The following GPC5 variants were observed in gnomAD, a reference collection of about 807,000 sequenced individuals.
GPC5 encodes glypican 5.
A neutral mutation model predicts 53.9 loss-of-function variants in GPC5; 47 were observed. The observed-to-expected ratio is 0.87, with a 90% CI of 0.69 to 1.11. GPC5 has a LOEUF of 1.11. GPC5 is among the 50% of genes most tolerant of loss of function. GPC5 has a pLI of 0.00. For synonymous variants in GPC5, 286 were observed against 263.3 expected (o/e 1.09, Z -0.84); for missense variants, 748 against 713.1 (o/e 1.05, Z -0.56).
At chr13:91,678,362 T>C in intron 2 of GPC5, among the ~76,000 whole-genome samples, 1 of 152,210 alleles carries the variant, frequency 6.6e-6, no homozygotes, top group Non-Finnish European at 1.5e-5. Context: ...GATAGTATAC[T>C]TTAGTATGCA....
At chr13:92,272,219 G>C (rs2042844503) in intron 7 of GPC5, among the ~76,000 whole-genome samples, 1 of 152,024 alleles carries the variant, frequency 6.6e-6, no homozygotes, top group Admixed American at 6.6e-5. Context: ...CATTTTTTTA[G>C]CCAATATTTA....
chr13:92,761,746 T>C (rs1875184551), intron 7 of GPC5, among the ~76,000 whole-genome samples: 1 of 152,230 alleles, frequency 6.6e-6, no homozygotes, highest in African/African-American at 2.4e-5. Flanking sequence ...GGCTTACTAC[T>C]GGCATTTTGT....
intron 7 of GPC5, among the ~76,000 whole-genome samples, chr13:92,228,488 G>T (rs555412085): frequency 5.9e-5 from 9 of 151,960 alleles, no homozygotes; most frequent in African/African-American, 1.4e-4. Context: ...AAGAAAAAAA[G>T]TTACACGAAT....
intron 2 of GPC5, among the ~76,000 whole-genome samples, chr13:91,670,678 C>T (rs1473645095): frequency 6.6e-6 from 1 of 152,150 alleles, no homozygotes; most frequent in East Asian, 1.9e-4. Context: ...AATTGGAATA[C>T]TCAGAAGCTC....
chr13:92,052,131 T>G (rs1265583263), intron 6 of GPC5, among the ~76,000 whole-genome samples: 3 of 152,178 alleles, frequency 2.0e-5, no homozygotes, highest in African/African-American at 7.2e-5. Flanking sequence ...AAAATTGGCC[T>G]GCACTCCTGA....
chr13:92,304,658 A>T (rs2043099094), intron 7 of GPC5, among the ~76,000 whole-genome samples: 1 of 147,342 alleles, frequency 6.8e-6, no homozygotes, highest in African/African-American at 2.6e-5. Flanking sequence ...AATTATTTCA[A>T]ATGCTTTCTC....
chr13:92,385,421 C>CATATATACACATATATACACAT (rs2043789200), intron 7 of GPC5, among the ~76,000 whole-genome samples: 2 of 30,080 alleles, frequency 6.6e-5, no homozygotes, highest in Non-Finnish European at 1.8e-4. Flanking sequence ...CATATATATA[C>CATATATACACATATATACACAT]ATATATACAT....
At chr13:91,969,165 C>T (rs1426550544) in intron 6 of GPC5, among the ~76,000 whole-genome samples, 3 of 152,014 alleles carry the variant, frequency 2.0e-5, no homozygotes, top group African/African-American at 7.3e-5. Context: ...GGCAAGGTTT[C>T]CCCATGTTGG....
intron 7 of GPC5, among the ~76,000 whole-genome samples, chr13:92,527,126 AAGAAAGAAAGAAAGAAAGAAAG>A (rs1881323077): frequency 9.1e-6 from 1 of 110,392 alleles, no homozygotes; most frequent in African/African-American, 3.5e-5. Flanking sequence ...GAAAGAAAGA[AAGAAAGAAAGAAAGAAAGAAAG>A]AAAGAAAGAA....
intron 3 of GPC5, among the ~76,000 whole-genome samples, chr13:91,725,497 G>T (rs2036558120): frequency 6.6e-6 from 1 of 152,096 alleles, no homozygotes; most frequent in Admixed American, 6.6e-5. Flanking sequence ...AATAAAGTAT[G>T]AAGTTAATCT....
chr13:91,942,572 A>C (rs556754737), intron 6 of GPC5, among the ~76,000 whole-genome samples: 1 of 152,238 alleles, frequency 6.6e-6, no homozygotes, highest in African/African-American at 2.4e-5. Context: ...CATTTTTAAT[A>C]TGCAATATAT....
chr13:92,258,901 C>G (rs990972761), intron 7 of GPC5, among the ~76,000 whole-genome samples: 2 of 152,088 alleles, frequency 1.3e-5, no homozygotes, highest in African/African-American at 4.8e-5. Context: ...TATGATCATG[C>G]CTGTAAAGAG....
chr13:92,615,456 A>G (rs1884648949), intron 7 of GPC5, among the ~76,000 whole-genome samples: 1 of 152,176 alleles, frequency 6.6e-6, no homozygotes, highest in South Asian at 2.1e-4. Context: ...GGGAGGGAAC[A>G]TACACAGTGA....
chr13:92,541,247 G>T (rs1183558888), intron 7 of GPC5, among the ~76,000 whole-genome samples: 2 of 151,732 alleles, frequency 1.3e-5, no homozygotes, highest in Non-Finnish European at 3.0e-5. Flanking sequence ...TGAATCCCTT[G>T]GGTGTTACTA....
chr13:91,739,226 T>C (rs957084245), intron 4 of GPC5, among the ~76,000 whole-genome samples: 2 of 151,280 alleles, frequency 1.3e-5, no homozygotes, highest in Non-Finnish European at 2.9e-5. Context: ...AAATATAATA[T>C]GAGAAATAAC....
chr13:92,065,060 G>A (rs1178291126), intron 6 of GPC5, among the ~76,000 whole-genome samples: 1 of 152,138 alleles, frequency 6.6e-6, no homozygotes, highest in African/African-American at 2.4e-5. Flanking sequence ...TCTCAGATCA[G>A]TGTTCTTAAA....
rs188515742 is a variant in GPC5, at chr13:92,464,920, G to A, written c.1561+319931G>A. On this transcript the variant is annotated intron_variant, in intron 7 of 7. Transcript: ENST00000377067. ...TATGTAAACTATATATTTAAACAAT[G>A]TATATTTAAATGTTATATATCTATA... is the stretch of plus-strand genomic sequence containing the variant. Among the ~76,000 whole-genome samples, 293 of 151,650 alleles carry A rather than the reference G, an allele frequency of 1.9e-3. 1 individual carries two copies. The highest frequency in any genetic ancestry group is 6.5e-3 in the African/African-American group (270 of 41,444).
intron 6 of GPC5, among the ~76,000 whole-genome samples, chr13:92,122,275 CTT>C (rs36004164): frequency 2.1e-4 from 30 of 144,352 alleles, no homozygotes; most frequent in African/African-American, 3.2e-4. Context: ...AAACACAGCG[CTT>C]TTTTTTTTTT....
rs1160252323 is a variant in GPC5 at position 91,896,116 on chromosome 13, A to T, written c.1281-11821A>T. 2.9e-5 allele frequency among the ~76,000 whole-genome samples: 4 copies of T among 139,288 alleles called. No homozygotes were observed. The East Asian group carries it at 6.1e-4, about 21-fold the overall frequency. The allele number at this position is 139,288 out of a possible 152,430, so 91.4% of individuals were successfully genotyped here. ...AATCCCCCCATTTAAAATTTTTTCT[A>T]ATTTTTTTTTTTTTTTTTTTTGAGG... On this transcript the variant is annotated intron_variant, in intron 5 of 7. Coordinates refer to ENST00000377067, the MANE Select transcript of GPC5 (RefSeq NM_004466.6).
Sources: gnomAD v4.1 joint callset for allele counts (sites outside exome capture counted in the v4.1 genomes callset) on GRCh38, gnomAD v4.1.1 for gene constraint, MANE v1.5 for transcripts, NCBI Gene and HGNC (gene_info 2026-07-23, HGNC 2026-07-21) for gene names.